Variants in TUBGCP2 observed in about 807,000 individuals in gnomAD.
The protein encoded by TUBGCP2 is gamma-tubulin complex component 2.
In TUBGCP2, 55 loss-of-function variants were observed where a neutral mutation model predicts 92.2. That is an observed-to-expected ratio of 0.60 (90% CI 0.48 to 0.75). TUBGCP2 has a LOEUF of 0.75. Ranked by LOEUF, TUBGCP2 falls within the 30% of genes least tolerant of loss-of-function variation. The probability of loss-of-function intolerance (pLI) is 0.00; values close to 1 mark genes in which losing one functional copy is unlikely to be tolerated. For missense variants in TUBGCP2, 1,093 were observed against 1,188.9 expected, an observed-to-expected ratio of 0.92 and a Z score of 1.19; for synonymous variants, 533 against 505.2, an observed-to-expected ratio of 1.06 and a Z score of -0.74.
At chr10:133,302,743 C>T in intron 2 of TUBGCP2, 49 bp downstream of exon 2, 1 of 1,608,080 alleles carries the variant, frequency 6.2e-7, no homozygotes, top group Middle Eastern at 2.3e-4. Flanking sequence ...CACCCTGACC[C>T]AGGAACAGTG....
Position 133,285,296 on chromosome 10 carries a change from A to G in TUBGCP2, c.1896-83T>C, listed in dbSNP as rs1187715885. The G allele has an allele frequency of 1.8e-5, 29 of 1,598,540 alleles. No individual in the cohort carries two copies. The highest frequency in any genetic ancestry group is 2.5e-5 in the Non-Finnish European group (29 of 1,176,178). On this transcript the variant is annotated intron_variant, in intron 12 of 17. Transcript: ENST00000252936. The surrounding 1 kb of genome is among the most constrained non-coding windows in gnomAD (Gnocchi z 6.8). ...ACGGCGTCTGTACTCCACAGTCCGC[A>G]CCGTGGCCCCCGGACAGCCCGTGAA...
intron 1 of TUBGCP2, among the ~76,000 whole-genome samples, chr10:133,304,948 A>G (rs955261249): frequency 6.6e-6 from 1 of 152,152 alleles, no homozygotes; most frequent in African/African-American, 2.4e-5. Context: ...CCCCTTGCCA[A>G]GCGGACCTTG....
At chr10:133,309,417 C>T (rs753327980), upstream of TUBGCP2, 10 of 1,612,356 alleles carry the variant, frequency 6.2e-6, no homozygotes, top group East Asian at 2.2e-5. Context: ...CCACCTCTAC[C>T]TCCAGGACGT....
At chr10:133,306,393 G>A (rs1398963024) in intron 1 of TUBGCP2, among the ~76,000 whole-genome samples, 1 of 152,194 alleles carries the variant, frequency 6.6e-6, no homozygotes, top group Non-Finnish European at 1.5e-5. Flanking sequence ...GGTCATGCTA[G>A]GTGGCAAGAA....
Position 133,300,129 on chromosome 10 carries a change from A to G in TUBGCP2, c.151-16T>C, listed in dbSNP as rs1554877118. 4 of 1,608,930 alleles carry G rather than the reference A, an allele frequency of 2.5e-6. No individual in the cohort carries two copies. Among genetic ancestry groups the G allele is most frequent in the South Asian group, 1.1e-5 (1 of 90,558 alleles). The stretch of plus-strand genomic sequence containing the variant: ...CAATTTTAACCTCAAAAGCACAAAC[A>G]TGAGTGATTTAATGACGGTAATTAA... On this transcript the variant is annotated splice_polypyrimidine_tract_variant and intron_variant, in intron 2 of 17. Transcript: ENST00000252936.
Position 133,284,007 on chromosome 10 carries a change from G to A in TUBGCP2, c.2025-5C>T. ...AGAGTGAAAGCCCCAGCAAACCTGA[G>A]TGACACGGAGGACGGAGGACAGCCA... On this transcript the variant is annotated splice_region_variant and splice_polypyrimidine_tract_variant and intron_variant, in intron 13 of 17. Transcript: ENST00000252936. 1 of 1,613,252 alleles carries A rather than the reference G, an allele frequency of 6.2e-7. No individual in the cohort carries two copies. Among genetic ancestry groups the A allele is most frequent in the Non-Finnish European group, 8.5e-7 (1 of 1,179,682 alleles).
At chr10:133,310,010 C>G (rs764393674), upstream of TUBGCP2, 5 of 1,611,256 alleles carry the variant, frequency 3.1e-6, no homozygotes, top group Non-Finnish European at 4.2e-6. Flanking sequence ...CCGAGGCCAC[C>G]CCCCATTGGT....
Position 133,279,520 on chromosome 10 carries a change from A to G in TUBGCP2, c.*246T>C. On this transcript the variant is annotated 3_prime_UTR_variant, in exon 18 of 18. Transcript: ENST00000252936. The stretch of plus-strand genomic sequence containing the variant: ...TCCACTTTGAGGCCAAAAACACCCA[A>G]AAAGGTGATAGTGTAATTTCAAAAA... The G allele has an allele frequency of 3.6e-6, 2 of 558,084 alleles. No homozygotes were observed. The highest frequency in any genetic ancestry group is 5.9e-6 in the Non-Finnish European group (2 of 336,902). The allele number at this position is 558,084 out of a possible 1,614,324, so 34.6% of individuals were successfully genotyped here. A position where few individuals can be genotyped will look rare whatever the true frequency, so the allele number is the denominator to read the frequency against.
intron 4 of TUBGCP2, among the ~76,000 whole-genome samples, chr10:133,298,513 G>C (rs1847544058): frequency 6.6e-6 from 1 of 152,264 alleles, no homozygotes; most frequent in African/African-American, 2.4e-5. Flanking sequence ...GATGGGTGAA[G>C]ACAGGCTTCA....
chr10:133,310,064 A>T, upstream of TUBGCP2: 1 of 1,609,552 alleles, frequency 6.2e-7, no homozygotes, highest in Admixed American at 1.7e-5. Flanking sequence ...TGCTCGGGCA[A>T]GGCCGGGGAC....
At chr10:133,280,148 G>T (rs939329250) in intron 17 of TUBGCP2, among the ~76,000 whole-genome samples, 17 of 152,250 alleles carry the variant, frequency 1.1e-4, no homozygotes, top group African/African-American at 3.6e-4. Context: ...CTGCAGGGGT[G>T]AGGGTGAGGC....
In TUBGCP2 at chr10:133,281,259, T is replaced by C; in HGVS notation, c.2573+14A>G. On this transcript the variant is annotated intron_variant, in intron 17 of 17. Transcript: ENST00000252936. ...GAGCTGAGGAAGGGCTGAGCCGGGGTGGCGCCCACCCACCTGGAGATGACG... is the reference window on the plus strand; with the variant it reads ...GAGCTGAGGAAGGGCTGAGCCGGGGCGGCGCCCACCCACCTGGAGATGACG... 1.2e-6 allele frequency: 2 copies of C among 1,607,046 alleles called. No individual in the cohort carries two copies. The highest frequency in any genetic ancestry group is 2.2e-5 in the South Asian group (2 of 90,970).
At chr10:133,295,333 G>C (rs1044288583) in intron 5 of TUBGCP2, 1 of 152,330 alleles carries the variant, frequency 6.6e-6, no homozygotes, top group Non-Finnish European at 1.5e-5. Context: ...TGCAGTCCCA[G>C]CTACTCGGGA....
chr10:133,308,563 CTGGGAGGGGACACCCGGGACGA>C (rs1262106412), intron 1 of TUBGCP2: 1 of 159,010 alleles, frequency 6.3e-6, no homozygotes, highest in Non-Finnish European at 1.4e-5. Flanking sequence ...CTTCCCAGGG[CTGGGAGGGGACACCCGGGACGA>C]CCCGGAGGCC....
In TUBGCP2 at chr10:133,288,838, A is replaced by G; in HGVS notation, c.1541+2T>C. Reference sequence around the variant, plus strand: ...CCGCACAGGGACAGGGCACGGAATCACCTGAGGTGAGCCACCAGCTCCTTC... The same window carrying G: ...CCGCACAGGGACAGGGCACGGAATCGCCTGAGGTGAGCCACCAGCTCCTTC... On this transcript the variant is annotated splice_donor_variant, in intron 10 of 17. Transcript: ENST00000252936. LOFTEE classifies it high-confidence loss of function. 6.2e-7 allele frequency: 1 copy of G among 1,607,366 alleles called. No individual in the cohort carries two copies. The highest frequency in any genetic ancestry group is 8.5e-7 in the Non-Finnish European group (1 of 1,176,302).
chr10:133,300,670 T>C (rs928480817), intron 2 of TUBGCP2: 2 of 153,110 alleles, frequency 1.3e-5, no homozygotes, highest in African/African-American at 4.8e-5. Flanking sequence ...AGAGACAGGA[T>C]TTCACCATGT....
At chr10:133,292,764 C>A in intron 7 of TUBGCP2, 76 bp from the exon 8 acceptor site, 1 of 1,496,932 alleles carries the variant, frequency 6.7e-7, no homozygotes, top group Non-Finnish European at 9.0e-7. Flanking sequence ...TGCTGGGGCC[C>A]CTCATGCTTC....
At chr10:133,309,660 G>A, upstream of TUBGCP2, 2 of 1,349,410 alleles carry the variant, frequency 1.5e-6, no homozygotes, top group East Asian at 2.3e-5. Flanking sequence ...AGAGGGTTTG[G>A]GATTGCAAAA....
intron 6 of TUBGCP2, 62 bp from the exon 7 acceptor site, chr10:133,293,300 T>C (rs1240859254): frequency 1.9e-6 from 3 of 1,564,334 alleles, no homozygotes; most frequent in Non-Finnish European, 2.6e-6. Context: ...CAATGTCCGA[T>C]ATTCTGAGTC....
Sources: allele counts gnomAD v4.1 joint callset (sites outside exome capture counted in the v4.1 genomes callset), GRCh38; gene constraint gnomAD v4.1.1; non-coding constraint Gnocchi (gnomAD v3.1); transcripts MANE v1.5; gene names NCBI Gene and HGNC (gene_info 2026-07-23, HGNC 2026-07-21).